Variants in DCT observed in about 807,000 individuals in gnomAD.
DCT encodes L-dopachrome tautomerase.
In DCT, 47 loss-of-function variants were observed where a neutral mutation model predicts 53.0. The observed-to-expected ratio is 0.89, with a 90% CI of 0.70 to 1.13. The LOEUF (loss-of-function observed/expected upper bound fraction) is 1.13. DCT is among the 50% of genes most tolerant of loss of function. DCT has a pLI of 0.00. For synonymous variants in DCT, 244 were observed against 237.0 expected (o/e 1.03, Z -0.27); for missense variants, 669 against 637.4 (o/e 1.05, Z -0.53).
At chr13:94,460,681 G>A (rs566596302) in intron 5 of DCT, among the ~76,000 whole-genome samples, 2 of 152,160 alleles carry the variant, frequency 1.3e-5, no homozygotes, top group East Asian at 3.9e-4. Flanking sequence ...GATCACTTGA[G>A]CCCAGGAGTT....
chr13:94,462,401 A>T (rs1566832814), intron 4 of DCT, among the ~76,000 whole-genome samples: 1 of 151,672 alleles, frequency 6.6e-6, no homozygotes, highest in South Asian at 2.1e-4. Context: ...TCAGGAGGCT[A>T]AGGCAGGAGA....
chr13:94,462,218 T>C (rs1364152322), intron 4 of DCT, 29 bp from the exon 5 acceptor site: 1 of 1,576,708 alleles, frequency 6.3e-7, no homozygotes, highest in African/African-American at 1.4e-5. Context: ...TTTAAAATAA[T>C]ATATGTTGGC....
intron 1 of DCT, among the ~76,000 whole-genome samples, chr13:94,476,036 T>A (rs1885051990): frequency 6.6e-6 from 1 of 152,130 alleles, no homozygotes; most frequent in Non-Finnish European, 1.5e-5. Context: ...GCCTTGACAA[T>A]GGCTGGAGAG....
chr13:94,443,366 G>T, intron 7 of DCT, 70 bp downstream of exon 7: 1 of 1,272,016 alleles, frequency 7.9e-7, no homozygotes. Flanking sequence ...ACATTATAAA[G>T]AAAGAAAGCA....
At chr13:94,508,567 C>G in the DCT span, among the ~76,000 whole-genome samples, 1 of 152,252 alleles carries the variant, frequency 6.6e-6, no homozygotes, top group Admixed American at 6.5e-5. Context: ...AAAAATGAAA[C>G]TTTCAGTTTG....
chr13:94,440,642 T>A (rs3782974), intron 7 of DCT, among the ~76,000 whole-genome samples: 121,543 of 145,884 alleles, frequency 0.83, 52,166 homozygotes, highest in African/African-American at 0.94. Context: ...TTTTATAAGC[T>A]CTCTTCCACA....
the DCT span, among the ~76,000 whole-genome samples, chr13:94,542,888 G>A: frequency 1.3e-5 from 2 of 151,972 alleles, no homozygotes; most frequent in African/African-American, 2.4e-5. Context: ...TACCAATGTT[G>A]CCAAGGACAC....
the DCT span, among the ~76,000 whole-genome samples, chr13:94,491,575 T>C: frequency 1.3e-5 from 2 of 152,144 alleles, no homozygotes; most frequent in Admixed American, 6.6e-5. Flanking sequence ...AAACTGGGCA[T>C]CAAAACTCAA....
the DCT span, among the ~76,000 whole-genome samples, chr13:94,497,872 C>CTG: frequency 1.0e-5 from 1 of 98,142 alleles, no homozygotes; most frequent in Admixed American, 9.6e-5. Flanking sequence ...CAGGGGTCAC[C>CTG]TATATGTGTG....
chr13:94,527,817 A>G, the DCT span, among the ~76,000 whole-genome samples: 1 of 152,216 alleles, frequency 6.6e-6, no homozygotes, highest in Non-Finnish European at 1.5e-5. Context: ...CAGCTTCAGA[A>G]GGTCGGTAAT....
chr13:94,516,004 A>C, the DCT span, among the ~76,000 whole-genome samples: 1 of 151,674 alleles, frequency 6.6e-6, no homozygotes, highest in Non-Finnish European at 1.5e-5. Flanking sequence ...CAGGAGTCCA[A>C]ATAAGACAAA....
At chr13:94,467,862 G>A (rs978730971) in intron 2 of DCT, 5 of 152,088 alleles carry the variant, frequency 3.3e-5, no homozygotes, top group South Asian at 2.1e-4. Flanking sequence ...AGAGGTGCAC[G>A]TGCAGCCATG....
At chr13:94,493,567 G>A in the DCT span, among the ~76,000 whole-genome samples, 1 of 152,180 alleles carries the variant, frequency 6.6e-6, no homozygotes, top group Non-Finnish European at 1.5e-5. Context: ...TTATACATCA[G>A]TTATACCTCA....
intron 1 of DCT, among the ~76,000 whole-genome samples, chr13:94,470,665 T>C (rs1306123335): frequency 6.6e-6 from 1 of 152,182 alleles, no homozygotes; most frequent in Non-Finnish European, 1.5e-5. Flanking sequence ...TTGCTTTTCC[T>C]TCTTCCTGAA....
chr13:94,451,658 A>G (rs1883102555), intron 6 of DCT, among the ~76,000 whole-genome samples: 1 of 152,232 alleles, frequency 6.6e-6, no homozygotes, highest in Non-Finnish European at 1.5e-5. Flanking sequence ...ATCACAGAAT[A>G]GATGTACAAT....
At chr13:94,471,525 C>T (rs1021319798) in intron 1 of DCT, among the ~76,000 whole-genome samples, 5 of 152,078 alleles carry the variant, frequency 3.3e-5, no homozygotes, top group African/African-American at 1.2e-4. Flanking sequence ...ATTTATGAAG[C>T]GGCTACTATC....
the DCT span, among the ~76,000 whole-genome samples, chr13:94,491,279 G>C: frequency 0.65 from 99,439 of 152,030 alleles, 32,793 homozygotes; most frequent in African/African-American, 0.7. Context: ...TTCCAGGCCT[G>C]TCTTTCAGCT....
the DCT span, among the ~76,000 whole-genome samples, chr13:94,497,204 C>G: frequency 1.3e-5 from 2 of 152,170 alleles, no homozygotes; most frequent in African/African-American, 4.8e-5. Flanking sequence ...CTGAATAGAT[C>G]AAAGAATGAC....
chr13:94,461,026 A>G (rs2139325814), intron 5 of DCT, among the ~76,000 whole-genome samples: 1 of 152,282 alleles, frequency 6.6e-6, no homozygotes, highest in South Asian at 2.1e-4. Flanking sequence ...CTGAGGTTGG[A>G]CACAGCCTTC....
Sources: gnomAD v4.1 joint callset for allele counts (sites outside exome capture counted in the v4.1 genomes callset) on GRCh38, gnomAD v4.1.1 for gene constraint, MANE v1.5 for transcripts, NCBI Gene and HGNC (gene_info 2026-07-23, HGNC 2026-07-21) for gene names.